The following PCNX1 variants were observed in gnomAD, a reference collection of about 807,000 sequenced individuals.
The protein encoded by PCNX1 is pecanex-like protein 1.
A neutral mutation model predicts 242.2 loss-of-function variants in PCNX1; 78 were observed. The observed-to-expected ratio is 0.32, with a 90% CI of 0.27 to 0.39. The LOEUF is 0.39. Ranked by LOEUF, PCNX1 falls within the 10% of genes least tolerant of loss-of-function variation. The probability of loss-of-function intolerance (pLI) is 1.00; values close to 1 mark genes in which losing one functional copy is unlikely to be tolerated. For missense variants in PCNX1, 2,581 were observed against 2,856.5 expected, an observed-to-expected ratio of 0.90 and a Z score of 2.20; for synonymous variants, 1,024 against 1,032.9, an observed-to-expected ratio of 0.99 and a Z score of 0.17.
chr14:70,908,087 C>G (rs1344825928), intron 1 of PCNX1, 84 bp downstream of exon 1: 2 of 1,324,464 alleles, frequency 1.5e-6, no homozygotes, highest in African/African-American at 1.5e-5. Flanking sequence ...TCCTCTTCCA[C>G]GGGGTCTCGT....
In PCNX1 at chr14:71,026,144, A is replaced by C; in HGVS notation, c.3211A>C (p.Arg1071=). Reference sequence around the variant, plus strand: ...TCATAATCGTATCATTGCCTACAGTAGACCAGTTTATTTCTGCATATGTTG... The same window carrying C: ...TCATAATCGTATCATTGCCTACAGTCGACCAGTTTATTTCTGCATATGTTG... ...HGHNRIIAYS[R]PVYFCICCGL... The change falls in exon 14 of 36, where the codon AGA becomes CGA. Residue 1071 remains arginine (R), a synonymous_variant. Transcript: ENST00000304743. 1 of 1,608,112 alleles carries C rather than the reference A, an allele frequency of 6.2e-7. No individual in the cohort carries two copies. The highest frequency in any genetic ancestry group is 8.5e-7 in the Non-Finnish European group (1 of 1,176,720).
intron 1 of PCNX1, among the ~76,000 whole-genome samples, chr14:70,927,879 C>T (rs1458701923): frequency 6.6e-6 from 1 of 152,098 alleles, no homozygotes; most frequent in African/African-American, 2.4e-5. Flanking sequence ...TGAGCCACTG[C>T]GCCAGGCCTG....
intron 1 of PCNX1, among the ~76,000 whole-genome samples, chr14:70,911,722 G>GT (rs1013247662): frequency 1.1e-4 from 16 of 151,992 alleles, no homozygotes; most frequent in East Asian, 3.9e-4. Flanking sequence ...TTTCATGGGT[G>GT]TTTTTCAAGA....
At chr14:71,055,686 A>G (rs2061164949) in intron 25 of PCNX1, 124 bp downstream of exon 25, 3 of 570,592 alleles carry the variant, frequency 5.3e-6, no homozygotes, top group Non-Finnish European at 9.3e-6. Context: ...TTTAAAAACT[A>G]AATATTATTT....
At chr14:70,947,166 T>C in intron 2 of PCNX1, 43 bp downstream of exon 2, 1 of 1,336,924 alleles carries the variant, frequency 7.5e-7, no homozygotes, top group Non-Finnish European at 1.1e-6. Flanking sequence ...TGATTTAGAT[T>C]GTGTTATCTG....
intron 24 of PCNX1, chr14:71,053,373 A>G (rs1386700921): frequency 2.3e-6 from 1 of 431,920 alleles, no homozygotes; most frequent in Non-Finnish European, 4.6e-6. Context: ...CCCGGAGTGC[A>G]ATGGCGCCAT....
At position 70,969,041 on chromosome 14, in the gene PCNX1, A is replaced by C. The variant is rs2058463838; in HGVS notation, c.535A>C (p.Thr179Pro). Residue 179 changes from threonine (T) to proline (P), a missense_variant, in exon 5 of 36, where the codon ACT becomes CCT. By Grantham distance (38) the Thr-to-Pro change is conservative (BLOSUM62 -1). Around this residue, in one of 9 missense-constraint regions of PCNX1, gnomAD observed 1,204 missense variants for 1,216.7 expected, o/e 0.99. Transcript: ENST00000304743. ...TIKGDTDTAKTSDDISLSLGQ... is the reference protein window; with the variant it reads ...TIKGDTDTAKPSDDISLSLGQ... ...TGTAGGAGATACAGACACTGCTAAGACTTCTGATGATATCAGTTTAAGTCT... is the reference window on the plus strand; with the variant it reads ...TGTAGGAGATACAGACACTGCTAAGCCTTCTGATGATATCAGTTTAAGTCT... 6.2e-7 allele frequency: 1 copy of C among 1,606,816 alleles called. No individual in the cohort carries two copies. The highest frequency in any genetic ancestry group is 1.7e-5 in the Admixed American group (1 of 59,986).
intron 22 of PCNX1, 131 bp from the exon 23 acceptor site, chr14:71,050,521 C>G: frequency 1.4e-6 from 1 of 715,744 alleles, no homozygotes; most frequent in Non-Finnish European, 2.2e-6. Context: ...ATGTAAATGG[C>G]AAATAATTTC....
intron 2 of PCNX1, among the ~76,000 whole-genome samples, chr14:70,957,374 G>A (rs1337128722): frequency 2.6e-5 from 4 of 152,166 alleles, no homozygotes; most frequent in Admixed American, 2.6e-4. Flanking sequence ...AACTAGGCAA[G>A]ATTATCCATC....
chr14:71,108,160 A>C (rs1229460219), intron 33 of PCNX1, among the ~76,000 whole-genome samples: 1 of 152,182 alleles, frequency 6.6e-6, no homozygotes, highest in East Asian at 1.9e-4. Context: ...CGGGGTTTTC[A>C]GATTCCACAA....
In PCNX1 at chr14:70,907,814, G is replaced by GCGGCGGCGGCGGCGA. The variant is rs1217458174; in HGVS notation, c.-25_-11dup. 2.0e-5 allele frequency: 25 copies of GCGGCGGCGGCGGCGA among 1,237,608 alleles called. No homozygotes were observed. Among genetic ancestry groups the GCGGCGGCGGCGGCGA allele is most frequent in the Non-Finnish European group, 2.3e-5 (23 of 988,284 alleles). 76.7% of individuals were successfully genotyped at this position (1,237,608 alleles called of 1,614,324 possible). On this transcript the variant is annotated 5_prime_UTR_variant, in exon 1 of 36. Coordinates refer to ENST00000304743, the MANE Select transcript of PCNX1 (RefSeq NM_014982.3). ...AGCTGGGGCCGGGGCGGGGACGGCG[G>GCGGCGGCGGCGGCGA]CGGCGGCGGCGGCGACGGCGGCGGC...
At chr14:71,014,935 A>G (rs183912440) in intron 11 of PCNX1, among the ~76,000 whole-genome samples, 6 of 152,290 alleles carry the variant, frequency 3.9e-5, no homozygotes, top group African/African-American at 1.4e-4. Flanking sequence ...ACTGCTCAAA[A>G]CCAGTGATAA....
chr14:70,985,855 T>G (rs909111007), intron 6 of PCNX1, among the ~76,000 whole-genome samples: 1 of 152,202 alleles, frequency 6.6e-6, no homozygotes, highest in Admixed American at 6.5e-5. Flanking sequence ...CCAAAAACAG[T>G]TTTTAAAGTA....
At chr14:71,042,286 T>A (rs559975820) in intron 19 of PCNX1, among the ~76,000 whole-genome samples, 2 of 152,310 alleles carry the variant, frequency 1.3e-5, no homozygotes, top group Admixed American at 1.3e-4. Context: ...TTCCCAACTA[T>A]TACTCTATTG....
At chr14:70,964,759 C>G (rs1595072839) in intron 3 of PCNX1, among the ~76,000 whole-genome samples, 2 of 152,160 alleles carry the variant, frequency 1.3e-5, no homozygotes, top group Admixed American at 6.5e-5. Context: ...GTGATTAAAG[C>G]ATGTGTGCAT....
chr14:71,003,670 G>T (rs1335652982), intron 8 of PCNX1, among the ~76,000 whole-genome samples: 1 of 152,172 alleles, frequency 6.6e-6, no homozygotes, highest in Non-Finnish European at 1.5e-5. Context: ...TTGGGGATTA[G>T]CAAGCAGGAG....
chr14:71,048,451 C>T (rs2060927667), intron 22 of PCNX1, among the ~76,000 whole-genome samples: 1 of 152,146 alleles, frequency 6.6e-6, no homozygotes, highest in African/African-American at 2.4e-5. Flanking sequence ...ATTATCCACC[C>T]ATAAGATAGA....
chr14:71,071,517 C>T (rs1226253823), intron 26 of PCNX1, among the ~76,000 whole-genome samples: 2 of 152,074 alleles, frequency 1.3e-5, no homozygotes, highest in African/African-American at 4.8e-5. Context: ...AGTGAGTCCT[C>T]ATGTGATCTG....
rs1465495460 is a variant in PCNX1 at position 70,951,932 on chromosome 14, C to G, written c.362+4809C>G. Among the ~76,000 whole-genome samples the G allele has an allele frequency of 3.3e-5, 5 of 151,950 alleles. 1 individual carries two copies. The highest frequency in any genetic ancestry group is 7.4e-5 in the Non-Finnish European group (5 of 68,000). ...TTTTTAAATGGTTTCTGTACATTTC[C>G]TACGCCTATTCTATTTCTGTTAAGA... On this transcript the variant is annotated intron_variant, in intron 2 of 35. Transcript: ENST00000304743.
Sources: allele counts gnomAD v4.1 joint callset (sites outside exome capture counted in the v4.1 genomes callset), GRCh38; gene constraint gnomAD v4.1.1; regional missense constraint gnomAD v4.1.1; transcripts MANE v1.5; gene names NCBI Gene and HGNC (gene_info 2026-07-23, HGNC 2026-07-21).